BCAR3: variants seen among roughly 807,000 people sequenced by gnomAD.
BCAR3 encodes breast cancer anti-estrogen resistance protein 3.
BCAR3 carries 37 observed loss-of-function variants against 80.1 expected under a neutral mutation model. The ratio of observed to expected loss-of-function variants is 0.46; its 90% confidence interval spans 0.36 to 0.61. The LOEUF is 0.61. Ranked by LOEUF, BCAR3 falls within the 20% of genes least tolerant of loss-of-function variation. The pLI is 0.00. For missense variants in BCAR3, 978 were observed against 1,068.2 expected, an observed-to-expected ratio of 0.92 and a Z score of 1.18; for synonymous variants, 389 against 418.9, an observed-to-expected ratio of 0.93 and a Z score of 0.87.
chr1:93,657,858 C>T (rs780204280), intron 2 of BCAR3, among the ~76,000 whole-genome samples: 69 of 152,110 alleles, frequency 4.5e-4, no homozygotes, highest in Middle Eastern at 3.4e-3. Flanking sequence ...TGCCAAAAAC[C>T]TCAGCAAGTG....
At chr1:93,817,825 T>C (rs1270698082) in intron 2 of BCAR3, among the ~76,000 whole-genome samples, 2 of 152,186 alleles carry the variant, frequency 1.3e-5, no homozygotes, top group Non-Finnish European at 2.9e-5. Flanking sequence ...CTTTGCAGTA[T>C]TTTGCCCCAC....
At chr1:93,842,159 T>C (rs1654985815) in intron 2 of BCAR3, among the ~76,000 whole-genome samples, 1 of 151,254 alleles carries the variant, frequency 6.6e-6, no homozygotes. Flanking sequence ...TTTTTTTTTT[T>C]TTTTCCCCAG....
Position 93,592,500 on chromosome 1 carries a change from T to A in BCAR3, c.358-107A>T. The A allele has an allele frequency of 7.1e-7, 1 of 1,401,494 alleles. No homozygotes were observed. The highest frequency in any genetic ancestry group is 1.4e-5 in the South Asian group (1 of 70,798). The allele number at this position is 1,401,494 out of a possible 1,614,324, so 86.8% of individuals were successfully genotyped here. ...TAATCCAACCAGTTATGCTACAGCC[T>A]GCATTCAGGTAGGGGAGCCTGGATA... On this transcript the variant is annotated intron_variant, in intron 3 of 11. Transcript: ENST00000260502. This position sits in a 1 kb window ranked among gnomAD's most constrained non-coding sequence, Gnocchi z 4.8.
chr1:93,836,291 C>G (rs1188797062), intron 2 of BCAR3, among the ~76,000 whole-genome samples: 1 of 152,170 alleles, frequency 6.6e-6, no homozygotes, highest in African/African-American at 2.4e-5. Flanking sequence ...AACTTGCCAA[C>G]CAAACAAGTA....
Position 93,567,458 on chromosome 1 carries a change from A to G in BCAR3, c.2120T>C (p.Val707Ala). The change falls in exon 11 of 12, where the codon GTC (valine) becomes GCC (alanine). Residue 707 changes from valine (V) to alanine (A), a missense_variant. Coordinates refer to ENST00000260502, the MANE Select transcript of BCAR3 (RefSeq NM_003567.4). ...STCVPPNNVS[V>A]PLLMPLVTLM... ...CGTCACAAGCGGCATCAGCAGTGGG[A>G]CTGATACATTGTTTGGGGGAACACA... 1 of 1,614,046 alleles carries G rather than the reference A, an allele frequency of 6.2e-7. No individual in the cohort carries two copies. The highest frequency in any genetic ancestry group is 2.2e-5 in the East Asian group (1 of 44,876).
At chr1:93,790,634 A>ATTCCTT (rs1234204229) in intron 2 of BCAR3, among the ~76,000 whole-genome samples, 1 of 107,426 alleles carries the variant, frequency 9.3e-6, no homozygotes, top group African/African-American at 4.1e-5. Context: ...TTTTGTATTC[A>ATTCCTT]TTTTTTTTTT....
intron 2 of BCAR3, among the ~76,000 whole-genome samples, chr1:93,659,681 G>A (rs935543039): frequency 6.6e-6 from 1 of 151,944 alleles, no homozygotes; most frequent in Non-Finnish European, 1.5e-5. Flanking sequence ...CGGTTCTAAG[G>A]TCTTGCCCAA....
intron 5 of BCAR3, among the ~76,000 whole-genome samples, chr1:93,585,493 GATCA>G (rs907576139): frequency 3.9e-5 from 6 of 152,130 alleles, no homozygotes; most frequent in African/African-American, 1.2e-4. Flanking sequence ...TTTAAACCAG[GATCA>G]TTCAGGGCCA....
intron 2 of BCAR3, among the ~76,000 whole-genome samples, chr1:93,708,576 A>G (rs1649905920): frequency 1.3e-5 from 2 of 152,188 alleles, no homozygotes; most frequent in African/African-American, 4.8e-5. Flanking sequence ...TTGGGAGAAA[A>G]TAAACATATT....
intron 2 of BCAR3, among the ~76,000 whole-genome samples, chr1:93,821,948 C>T (rs1223747580): frequency 6.6e-6 from 1 of 152,162 alleles, no homozygotes; most frequent in East Asian, 1.9e-4. Context: ...ACCACTGTAC[C>T]AGTCTGCAAT....
At chr1:93,622,952 C>G (rs1359271998) in intron 3 of BCAR3, among the ~76,000 whole-genome samples, 1 of 152,154 alleles carries the variant, frequency 6.6e-6, no homozygotes, top group African/African-American at 2.4e-5. Context: ...ATCTGGGTAA[C>G]TATCCAGGAA....
chr1:93,627,294 G>C (rs1399881421), intron 3 of BCAR3, among the ~76,000 whole-genome samples: 4 of 152,178 alleles, frequency 2.6e-5, no homozygotes, highest in African/African-American at 9.7e-5. Flanking sequence ...CAAATTGCAA[G>C]AGAGATCCAT....
chr1:93,722,290 A>G (rs2100671449), intron 2 of BCAR3, among the ~76,000 whole-genome samples: 1 of 152,326 alleles, frequency 6.6e-6, no homozygotes, highest in Non-Finnish European at 1.5e-5. Context: ...CTTGGCCTTT[A>G]CTGCGTCCTT....
At chr1:93,732,894 AC>A (rs1169469789) in intron 2 of BCAR3, among the ~76,000 whole-genome samples, 1 of 152,218 alleles carries the variant, frequency 6.6e-6, no homozygotes, top group Non-Finnish European at 1.5e-5. Context: ...CCTTCCTCCT[AC>A]ACCTGCAGCA....
intron 3 of BCAR3, among the ~76,000 whole-genome samples, chr1:93,637,540 A>G (rs1158782891): frequency 6.6e-6 from 1 of 152,142 alleles, no homozygotes; most frequent in Non-Finnish European, 1.5e-5. Flanking sequence ...AATAAAAGGA[A>G]GAGAGTGATA....
intron 2 of BCAR3, among the ~76,000 whole-genome samples, chr1:93,801,974 T>C (rs534112994): frequency 6.6e-6 from 1 of 151,834 alleles, no homozygotes; most frequent in Admixed American, 6.6e-5. Context: ...AAAAATTAGC[T>C]GGGTGTGGCA....
chr1:93,765,911 C>T (rs1344232943), intron 2 of BCAR3, among the ~76,000 whole-genome samples: 1 of 152,138 alleles, frequency 6.6e-6, no homozygotes, highest in Non-Finnish European at 1.5e-5. Context: ...GTGATCCACC[C>T]ACCTCGGCCT....
intron 2 of BCAR3, among the ~76,000 whole-genome samples, chr1:93,715,639 A>G (rs994508406): frequency 1.3e-5 from 2 of 152,216 alleles, no homozygotes; most frequent in Non-Finnish European, 2.9e-5. Flanking sequence ...CCCACAGCAG[A>G]CACTCGAAAC....
chr1:93,587,361 T>C (rs1451802248), intron 5 of BCAR3, among the ~76,000 whole-genome samples: 1 of 152,140 alleles, frequency 6.6e-6, no homozygotes, highest in Non-Finnish European at 1.5e-5. Flanking sequence ...AGATAATAAT[T>C]ATCATGAGCA....
Sources: allele counts gnomAD v4.1 joint callset (sites outside exome capture counted in the v4.1 genomes callset), GRCh38; gene constraint gnomAD v4.1.1; non-coding constraint Gnocchi (gnomAD v3.1); transcripts MANE v1.5; gene names NCBI Gene and HGNC (gene_info 2026-07-23, HGNC 2026-07-21).